Variants in EFEMP1 observed in about 807,000 individuals in gnomAD.
EFEMP1 encodes EGF-containing fibulin-like extracellular matrix protein 1.
Under a neutral mutation model 65.7 loss-of-function variants are expected in EFEMP1, and 18 were observed. The observed-to-expected ratio is 0.27, with a 90% CI of 0.19 to 0.41. The LOEUF (loss-of-function observed/expected upper bound fraction) is 0.41, where lower values mean the gene tolerates loss of function less well. EFEMP1 is among the 10% of genes least tolerant of loss of function. The pLI is 1.00. For missense variants in EFEMP1, 469 were observed against 624.8 expected (o/e 0.75, Z 2.66); for synonymous variants, 237 against 219.7 (o/e 1.08, Z -0.70).
At chr2:55,875,369 TA>T in intron 8 of EFEMP1, among the ~76,000 whole-genome samples, 1 of 123,766 alleles carries the variant, frequency 8.1e-6, no homozygotes, top group African/African-American at 4.3e-5. Context: ...CACACACATA[TA>T]TATTTTTTTT....
At chr2:55,908,181 A>G (rs1017617489) in intron 5 of EFEMP1, among the ~76,000 whole-genome samples, 4 of 152,222 alleles carry the variant, frequency 2.6e-5, no homozygotes, top group Admixed American at 6.5e-5. Context: ...GATTCTAAAA[A>G]CAAATTTGAG....
At chr2:55,902,957 GTC>G in intron 5 of EFEMP1, among the ~76,000 whole-genome samples, 1 of 152,308 alleles carries the variant, frequency 6.6e-6, no homozygotes, top group Middle Eastern at 3.4e-3. Flanking sequence ...TTTTCTCTCT[GTC>G]TCTTTCTCTT....
intron 5 of EFEMP1, among the ~76,000 whole-genome samples, chr2:55,892,917 T>C (rs181421605): frequency 1.3e-5 from 2 of 152,292 alleles, no homozygotes; most frequent in Non-Finnish European, 2.9e-5. Flanking sequence ...ACGGAGTCTA[T>C]CATATTCCAA....
intron 5 of EFEMP1, among the ~76,000 whole-genome samples, chr2:55,897,817 A>G (rs1039811490): frequency 3.9e-5 from 6 of 152,124 alleles, no homozygotes; most frequent in African/African-American, 7.2e-5. Flanking sequence ...GCTTTCCTCT[A>G]TCTACAACCA....
chr2:55,887,354 T>C (rs539019495), intron 5 of EFEMP1, among the ~76,000 whole-genome samples: 61 of 152,334 alleles, frequency 4.0e-4, no homozygotes, highest in African/African-American at 1.4e-3. Context: ...GGGTTGTTAA[T>C]GTCACAGCAC....
chr2:55,920,809 AAAG>A (rs1199221851), intron 3 of EFEMP1, among the ~76,000 whole-genome samples: 2 of 152,222 alleles, frequency 1.3e-5, no homozygotes, highest in Non-Finnish European at 2.9e-5. Flanking sequence ...CGCAAGGATC[AAAG>A]GAGATCGTGT....
rs2104368534 is a variant in EFEMP1 at position 55,870,637 on chromosome 2, A to C, written c.1320+83T>G. 4 of 1,535,836 alleles carry C rather than the reference A, an allele frequency of 2.6e-6. No homozygotes were observed. In the East Asian group the frequency reaches 9.0e-5, roughly 35 times the overall value. On this transcript the variant is annotated intron_variant, in intron 11 of 11. Coordinates refer to ENST00000355426, the MANE Select transcript of EFEMP1 (RefSeq NM_001039348.3). This position sits in a 1 kb window ranked among gnomAD's most constrained non-coding sequence, Gnocchi z 5.8. ...ATGTTTGCTTTCCTTCCACATGTGG[A>C]TACCACACAACAACAACAACAACAA...
At position 55,887,029 on chromosome 2, in the gene EFEMP1, C is replaced by G. The variant is rs151070458; in HGVS notation, c.518-5295G>C. Among the ~76,000 whole-genome samples the G allele has an allele frequency of 4.9e-3, 753 of 152,160 alleles. 5 individuals carry two copies. The highest frequency in any genetic ancestry group is 0.017 in the African/African-American group (718 of 41,520). ...TAATTGGTATAAAAATAGGTAAATT[C>G]TTAGCAATATAAAAAGATCTATTAT... On this transcript the variant is annotated intron_variant, in intron 5 of 11. Coordinates refer to ENST00000355426, the MANE Select transcript of EFEMP1 (RefSeq NM_001039348.3).
intron 5 of EFEMP1, among the ~76,000 whole-genome samples, chr2:55,897,601 C>A (rs576227190): frequency 6.6e-6 from 1 of 152,128 alleles, no homozygotes; most frequent in African/African-American, 2.4e-5. Context: ...GAAGTGAGAT[C>A]GAAATCCAGT....
chr2:55,884,887 A>T (rs572132906), intron 5 of EFEMP1, among the ~76,000 whole-genome samples: 1 of 152,252 alleles, frequency 6.6e-6, no homozygotes, highest in South Asian at 2.1e-4. Context: ...AGTGCCTAGG[A>T]TAGTGCATGA....
chr2:55,900,304 G>C (rs547782192), intron 5 of EFEMP1, among the ~76,000 whole-genome samples: 1 of 150,940 alleles, frequency 6.6e-6, no homozygotes, highest in African/African-American at 2.4e-5. Context: ...AGATCTGACT[G>C]CCCCCACGAT....
intron 5 of EFEMP1, among the ~76,000 whole-genome samples, chr2:55,898,669 C>T (rs1194809355): frequency 6.6e-6 from 1 of 152,100 alleles, no homozygotes; most frequent in East Asian, 1.9e-4. Flanking sequence ...ATAGGGTTTT[C>T]ATTATGTCAC....
intron 3 of EFEMP1, 101 bp from the exon 4 acceptor site, chr2:55,918,368 T>C: frequency 7.3e-7 from 1 of 1,375,776 alleles, no homozygotes; most frequent in Non-Finnish European, 1.0e-6. Context: ...GCAACAATCC[T>C]TGTGCTAAAG....
rs1670925784 is a variant in EFEMP1 at position 55,922,130 on chromosome 2, C to CA, written c.81+229dup. Reference sequence around the variant, plus strand: ...AACGGATCCCATTTTTAGCCCTGCACAAATGATTACATGTTGGTTCCTATC... The same window carrying CA: ...AACGGATCCCATTTTTAGCCCTGCACAAAATGATTACATGTTGGTTCCTATC... On this transcript the variant is annotated intron_variant, in intron 3 of 11. Coordinates refer to ENST00000355426, the MANE Select transcript of EFEMP1 (RefSeq NM_001039348.3). The surrounding 1 kb of genome is among the most constrained non-coding windows in gnomAD (Gnocchi z 5.5). 1 of 500,202 alleles carries CA rather than the reference C, an allele frequency of 2.0e-6. No individual in the cohort carries two copies. Among genetic ancestry groups the CA allele is most frequent in the African/African-American group, 1.9e-5 (1 of 51,386 alleles). The allele number at this position is 500,202 out of a possible 1,614,324, so 31.0% of individuals were successfully genotyped here. A position where few individuals can be genotyped will look rare whatever the true frequency, so the allele number is the denominator to read the frequency against.
intron 9 of EFEMP1, among the ~76,000 whole-genome samples, chr2:55,874,470 C>T (rs1668945480): frequency 6.6e-6 from 1 of 152,036 alleles, no homozygotes; most frequent in South Asian, 2.1e-4. Flanking sequence ...GTAGTTTTCT[C>T]TAAAATATTC....
intron 5 of EFEMP1, among the ~76,000 whole-genome samples, chr2:55,887,715 G>A (rs1421949252): frequency 3.3e-5 from 5 of 152,174 alleles, no homozygotes; most frequent in Non-Finnish European, 7.4e-5. Context: ...AAAACAGATT[G>A]TTAATAATTT....
Position 55,917,505 on chromosome 2 carries a change from AC to A in EFEMP1, c.517+159del, listed in dbSNP as rs1163326337. On this transcript the variant is annotated intron_variant, in intron 5 of 11. Transcript: ENST00000355426. The surrounding 1 kb of genome is among the most constrained non-coding windows in gnomAD (Gnocchi z 6.3). ...TAAAGCAATGATGACAACTACAGCA[AC>A]TACCCTTTAGGAATATTGTGATGAT... 6.6e-6 allele frequency among the ~76,000 whole-genome samples: 1 copy of A among 152,232 alleles called. No individual in the cohort carries two copies. The highest frequency in any genetic ancestry group is 1.5e-5 in the Non-Finnish European group (1 of 68,036).
In EFEMP1 at chr2:55,885,336, G is replaced by C. The variant is rs980747869; in HGVS notation, c.518-3602C>G. On this transcript the variant is annotated intron_variant, in intron 5 of 11. Coordinates refer to ENST00000355426, the MANE Select transcript of EFEMP1 (RefSeq NM_001039348.3). This position sits in a 1 kb window ranked among gnomAD's most constrained non-coding sequence, Gnocchi z 4.3. ...CACAGCTGCCGGGGCTCTGTGTGAGGAGCCTGGTGCAGTGCCTGGTTGAAG... is the reference window on the plus strand; with the variant it reads ...CACAGCTGCCGGGGCTCTGTGTGAGCAGCCTGGTGCAGTGCCTGGTTGAAG... 6.6e-6 allele frequency among the ~76,000 whole-genome samples: 1 copy of C among 152,200 alleles called. No homozygotes were observed. Among genetic ancestry groups the C allele is most frequent in the South Asian group, 2.1e-4 (1 of 4,832 alleles).
In EFEMP1 at chr2:55,871,351, A is replaced by C. The variant is rs532190312; in HGVS notation, c.1001-228T>G. Among the ~76,000 whole-genome samples, 1 of 152,256 alleles carries C rather than the reference A, an allele frequency of 6.6e-6. No homozygotes were observed. Among genetic ancestry groups the C allele is most frequent in the East Asian group, 1.9e-4 (1 of 5,176 alleles). ...ATGTGTCATTTCATGATATTTTATC[A>C]AGCACCTATTGTTCATCTGTTGAAT... On this transcript the variant is annotated intron_variant, in intron 9 of 11. Coordinates refer to ENST00000355426, the MANE Select transcript of EFEMP1 (RefSeq NM_001039348.3). The surrounding 1 kb of genome is among the most constrained non-coding windows in gnomAD (Gnocchi z 4.2).
Sources: gnomAD v4.1 joint callset for allele counts (sites outside exome capture counted in the v4.1 genomes callset) on GRCh38, gnomAD v4.1.1 for gene constraint, Gnocchi (gnomAD v3.1) non-coding constraint, MANE v1.5 for transcripts, NCBI Gene and HGNC (gene_info 2026-07-23, HGNC 2026-07-21) for gene names.